Variants in SLC45A4 observed in about 807,000 individuals in gnomAD.
SLC45A4 encodes the protein solute carrier family 45 member 4.
In SLC45A4, 32 loss-of-function variants were observed where a neutral mutation model predicts 63.7. The ratio of observed to expected loss-of-function variants is 0.50; its 90% CI spans 0.38 to 0.67. The LOEUF (loss-of-function observed/expected upper bound fraction) is 0.67. Among genes scored for constraint, SLC45A4 ranks in the 30% least tolerant of loss-of-function variants. The pLI, the probability that SLC45A4 is intolerant of heterozygous loss-of-function variation, is 0.00. For missense variants in SLC45A4, 1,027 were observed against 1,157.7 expected (o/e 0.89, Z 1.64); for synonymous variants, 535 against 510.0 (o/e 1.05, Z -0.66).
chr8:141,245,687 C>T (rs1262772092), intron 2 of SLC45A4, among the ~76,000 whole-genome samples: 1 of 152,196 alleles, frequency 6.6e-6, no homozygotes, highest in Non-Finnish European at 1.5e-5. Flanking sequence ...CACAGACCCT[C>T]AGCGTGTCCC....
intron 1 of SLC45A4, among the ~76,000 whole-genome samples, chr8:141,303,340 G>A (rs923818442): frequency 7.3e-6 from 1 of 136,524 alleles, no homozygotes; most frequent in African/African-American, 2.8e-5. Context: ...GGGTTTTGCC[G>A]TGTTGCTCAG....
intron 5 of SLC45A4, 31 bp downstream of exon 5, chr8:141,217,980 A>C (rs765901232): frequency 4.1e-6 from 1 of 245,518 alleles, no homozygotes; most frequent in Non-Finnish European, 5.1e-6. Flanking sequence ...GGGCAGAGAG[A>C]GCGGCCCCGC....
rs945520990 is a variant in SLC45A4 at position 141,254,493 on chromosome 8, A to G, written c.-264T>C. 5.8e-6 allele frequency: 4 copies of G among 684,226 alleles called. No homozygotes were observed. Among genetic ancestry groups the G allele is most frequent in the African/African-American group, 1.8e-5 (1 of 56,658 alleles). 42.4% of individuals were successfully genotyped at this position (684,226 alleles called of 1,614,324 possible). A position where few individuals can be genotyped will look rare whatever the true frequency, so the allele number is the denominator to read the frequency against. On this transcript the variant is annotated 5_prime_UTR_variant, in exon 2 of 9. It removes an upstream start codon present in the reference 5' UTR. Coordinates refer to ENST00000517878, the MANE Select transcript of SLC45A4 (RefSeq NM_001286646.2). The surrounding 1 kb of genome is among the most constrained non-coding windows in gnomAD (Gnocchi z 4.5). Reference sequence around the variant, plus strand: ...TACTGTGAATTAGAGTTAAAAATCCATAATTGCCATTCAGTTAATACCAGT... The same window carrying G: ...TACTGTGAATTAGAGTTAAAAATCCGTAATTGCCATTCAGTTAATACCAGT...
chr8:141,253,057 T>C (rs1307569002), intron 2 of SLC45A4: 1 of 162,882 alleles, frequency 6.1e-6, no homozygotes, highest in Non-Finnish European at 1.3e-5. Context: ...ATTTCCGTGT[T>C]TTCACGCCCA....
intron 6 of SLC45A4, among the ~76,000 whole-genome samples, 159 bp downstream of exon 6, chr8:141,216,931 T>C (rs897921792): frequency 6.6e-6 from 1 of 152,194 alleles, no homozygotes. Flanking sequence ...GACATGGGAA[T>C]TTCGATGCTT....
intron 1 of SLC45A4, among the ~76,000 whole-genome samples, chr8:141,270,795 G>A (rs1433153170): frequency 2.0e-5 from 3 of 152,024 alleles, no homozygotes; most frequent in Non-Finnish European, 4.4e-5. Context: ...CCTTCCCCCA[G>A]CCCAGGGGGC....
chr8:141,256,950 T>C lies in SLC45A4; in HGVS notation c.-400-2321A>G, dbSNP rs1450713904. ...CTCACTGCAACCTCCGCCTCCCAGC[T>C]TCAAGCGATTCTCCCGCCTCAGCCT... On this transcript the variant is annotated intron_variant, in intron 1 of 8. Transcript: ENST00000517878. The surrounding 1 kb of genome is among the most constrained non-coding windows in gnomAD (Gnocchi z 4.3). The C allele has an allele frequency of 4.2e-6, 1 of 240,582 alleles. No individual in the cohort carries two copies. Among genetic ancestry groups the C allele is most frequent in the East Asian group, 1.1e-4 (1 of 9,072 alleles). The allele number at this position is 240,582 out of a possible 1,614,324, so 14.9% of individuals were successfully genotyped here.
At position 141,255,149 on chromosome 8, in the gene SLC45A4, G is replaced by C. The variant is rs55734462; in HGVS notation, c.-400-520C>G. On this transcript the variant is annotated intron_variant, in intron 1 of 8. Coordinates refer to ENST00000517878, the MANE Select transcript of SLC45A4 (RefSeq NM_001286646.2). ...GCTCCGTTGCCCAGGCTGGAGTGCG[G>C]TCACACGACCATGGCTCTCTGCAGC... Among the ~76,000 whole-genome samples the C allele has an allele frequency of 3.5e-3, 539 of 152,236 alleles. 1 individual carries two copies. Among genetic ancestry groups the C allele is most frequent in the African/African-American group, 0.013 (522 of 41,532 alleles).
chr8:141,301,188 C>T (rs1217114437), intron 1 of SLC45A4, among the ~76,000 whole-genome samples: 4 of 152,178 alleles, frequency 2.6e-5, no homozygotes, highest in African/African-American at 7.2e-5. Context: ...GAGATGTACC[C>T]GGTACCAGGG....
chr8:141,229,448 C>G lies in SLC45A4; in HGVS notation c.242-7683G>C, dbSNP rs1188598263. On this transcript the variant is annotated intron_variant, in intron 2 of 8. Coordinates refer to ENST00000517878, the MANE Select transcript of SLC45A4 (RefSeq NM_001286646.2). The surrounding 1 kb of genome is among the most constrained non-coding windows in gnomAD (Gnocchi z 5.0). Reference sequence around the variant, plus strand: ...CACCAGGCTCACATCCCGCTCAGAACCTCAGCCACGGCCACTGGGGAGGGT... The same window carrying G: ...CACCAGGCTCACATCCCGCTCAGAAGCTCAGCCACGGCCACTGGGGAGGGT... 6.6e-6 allele frequency among the ~76,000 whole-genome samples: 1 copy of G among 152,140 alleles called. No individual in the cohort carries two copies. Among genetic ancestry groups the G allele is most frequent in the African/African-American group, 2.4e-5 (1 of 41,438 alleles).
intron 1 of SLC45A4, among the ~76,000 whole-genome samples, chr8:141,300,809 T>C (rs947327940): frequency 2.6e-5 from 4 of 152,256 alleles, no homozygotes; most frequent in African/African-American, 9.6e-5. Context: ...GCAGCGTGCT[T>C]ACTCGTGAAA....
intron 1 of SLC45A4, among the ~76,000 whole-genome samples, chr8:141,265,431 C>T (rs1386998732): frequency 6.6e-6 from 1 of 152,256 alleles, no homozygotes; most frequent in African/African-American, 2.4e-5. Flanking sequence ...TGTTCTCACA[C>T]TGCGCGGGGG....
rs1055747798 is a variant in SLC45A4, at chr8:141,254,473, T to C, written c.-244A>G. ...AAACATATGGCTTGCTGGTTTACTG[T>C]GAATTAGAGTTAAAAATCCATAATT... On this transcript the variant is annotated 5_prime_UTR_variant, in exon 2 of 9. Coordinates refer to ENST00000517878, the MANE Select transcript of SLC45A4 (RefSeq NM_001286646.2). This position sits in a 1 kb window ranked among gnomAD's most constrained non-coding sequence, Gnocchi z 4.5. 12 of 669,902 alleles carry C rather than the reference T, an allele frequency of 1.8e-5. No individual in the cohort carries two copies. The highest frequency in any genetic ancestry group is 4.8e-5 in the South Asian group (3 of 62,294). The allele number at this position is 669,902 out of a possible 1,614,324, so 41.5% of individuals were successfully genotyped here.
chr8:141,288,095 T>A (rs1170762028), intron 1 of SLC45A4, among the ~76,000 whole-genome samples: 1 of 152,148 alleles, frequency 6.6e-6, no homozygotes, highest in Non-Finnish European at 1.5e-5. Flanking sequence ...GAGGATCGCT[T>A]GAGTCCAGGA....
chr8:141,284,481 G>A (rs1830070046), intron 1 of SLC45A4, among the ~76,000 whole-genome samples: 1 of 152,224 alleles, frequency 6.6e-6, no homozygotes. Context: ...TATAAAAAAT[G>A]TTTCTCCCAG....
intron 1 of SLC45A4, among the ~76,000 whole-genome samples, chr8:141,272,060 GCA>G (rs1829561074): frequency 1.3e-5 from 2 of 152,074 alleles, no homozygotes; most frequent in Admixed American, 1.3e-4. Flanking sequence ...ACACACCTGC[GCA>G]CACACATCCA....
chr8:141,232,235 A>G lies in SLC45A4; in HGVS notation c.242-10470T>C, dbSNP rs537074763. On this transcript the variant is annotated intron_variant, in intron 2 of 8. Transcript: ENST00000517878. ...TGGGGCCGGGGAACCTCAACAATCCATCACACGCCAGCCCCGCTGCTCTGT... is the reference window on the plus strand; with the variant it reads ...TGGGGCCGGGGAACCTCAACAATCCGTCACACGCCAGCCCCGCTGCTCTGT... Among the ~76,000 whole-genome samples the G allele has an allele frequency of 3.3e-5, 5 of 152,344 alleles. No homozygotes were observed. The South Asian group carries it at 1.0e-3, about 32-fold the overall frequency.
intron 2 of SLC45A4, 119 bp from the exon 3 acceptor site, chr8:141,221,884 C>T: frequency 2.8e-6 from 3 of 1,056,768 alleles, no homozygotes; most frequent in South Asian, 3.2e-5. Context: ...CGCACATCCC[C>T]TGCTCAGGTT....
At chr8:141,232,522 G>A (rs1827410671) in intron 2 of SLC45A4, among the ~76,000 whole-genome samples, 1 of 152,218 alleles carries the variant, frequency 6.6e-6, no homozygotes, top group African/African-American at 2.4e-5. Flanking sequence ...CACACTCAGT[G>A]GCTCCCAGGT....
Sources: allele counts gnomAD v4.1 joint callset (sites outside exome capture counted in the v4.1 genomes callset), GRCh38; gene constraint gnomAD v4.1.1; non-coding constraint Gnocchi (gnomAD v3.1); transcripts MANE v1.5; gene names NCBI Gene and HGNC (gene_info 2026-07-23, HGNC 2026-07-21).